Variants in MTHFD1 observed in about 807,000 individuals in gnomAD.
MTHFD1 encodes the protein methylenetetrahydrofolate dehydrogenase, cyclohydrolase and formyltetrahydrofolate synthetase 1.
In MTHFD1, 44 loss-of-function variants were observed where a neutral mutation model predicts 110.3. The observed-to-expected ratio is 0.40, with a 90% confidence interval of 0.31 to 0.51. The LOEUF (loss-of-function observed/expected upper bound fraction) is 0.51. Ranked by LOEUF, MTHFD1 falls within the 20% of genes least tolerant of loss-of-function variation. The pLI is 0.60. For missense variants in MTHFD1, 909 were observed against 1,173.1 expected (o/e 0.77, Z 3.29); for synonymous variants, 402 against 428.8 (o/e 0.94, Z 0.77).
At chr14:64,391,909 T>A (rs1212148265) in intron 1 of MTHFD1, among the ~76,000 whole-genome samples, 1 of 152,182 alleles carries the variant, frequency 6.6e-6, no homozygotes, top group Non-Finnish European at 1.5e-5. Context: ...CCTACCCTCA[T>A]GAAACTTGCA....
chr14:64,431,810 A>G lies in MTHFD1; in HGVS notation c.1443A>G (p.Pro481=), dbSNP rs1246987941. Residue 481 remains proline (P), a synonymous_variant, in exon 15 of 28, where the codon CCA becomes CCG. Coordinates refer to ENST00000652337, the MANE Select transcript of MTHFD1 (RefSeq NM_005956.4). ...AGGCTCTCTTTAATCGTTTGGTGCC[A>G]TCAGTAAATGGAGTGAGAAGGTTCT... ...TDKALFNRLV[P]SVNGVRRFSD... 6 of 1,614,080 alleles carry G rather than the reference A, an allele frequency of 3.7e-6. No individual in the cohort carries two copies. Among genetic ancestry groups the G allele is most frequent in the Non-Finnish European group, 5.1e-6 (6 of 1,180,034 alleles).
chr14:64,408,064 G>T (rs962390400), intron 2 of MTHFD1, among the ~76,000 whole-genome samples: 1 of 151,940 alleles, frequency 6.6e-6, no homozygotes, highest in African/African-American at 2.4e-5. Flanking sequence ...ACTGTGGCCC[G>T]TATCCAAATG....
At chr14:64,424,661 G>T in intron 8 of MTHFD1, 143 bp from the exon 9 acceptor site, 1 of 881,418 alleles carries the variant, frequency 1.1e-6, no homozygotes, top group Non-Finnish European at 1.8e-6. Context: ...GCAAACATCT[G>T]TCATTCCATA....
intron 1 of MTHFD1, among the ~76,000 whole-genome samples, chr14:64,397,054 G>A (rs1316004391): frequency 1.7e-5 from 2 of 115,020 alleles, no homozygotes; most frequent in African/African-American, 3.4e-5. Flanking sequence ...GCAGTGAGCC[G>A]AGATCGCGCC....
chr14:64,441,693 C>T lies in MTHFD1; in HGVS notation c.1884+240C>T, dbSNP rs1198446461. 5 of 560,068 alleles carry T rather than the reference C, an allele frequency of 8.9e-6. No individual in the cohort carries two copies. The South Asian group carries it at 9.6e-5, about 11-fold the overall frequency. 34.7% of individuals were successfully genotyped at this position (560,068 alleles called of 1,614,324 possible). A position where few individuals can be genotyped will look rare whatever the true frequency, so the allele number is the denominator to read the frequency against. ...TGGTGGCGGGCGCCTGTAGTCCCAG[C>T]TGCTCGGAAGGTTGAGGCAGAATGG... On this transcript the variant is annotated intron_variant, in intron 19 of 27. Transcript: ENST00000652337.
intron 24 of MTHFD1, among the ~76,000 whole-genome samples, chr14:64,449,885 T>TGCC (rs1488738898): frequency 2.0e-5 from 3 of 152,210 alleles, no homozygotes; most frequent in Non-Finnish European, 4.4e-5. Context: ...GCCTCCTGGG[T>TGCC]TCAAGTGATT....
intron 12 of MTHFD1, among the ~76,000 whole-genome samples, chr14:64,428,428 A>C (rs1483105463): frequency 6.7e-6 from 1 of 149,022 alleles, no homozygotes; most frequent in Non-Finnish European, 1.5e-5. Context: ...TGTCTTAATT[A>C]AAATAATGTT....
chr14:64,439,385 A>AT, intron 17 of MTHFD1: 3 of 588,160 alleles, frequency 5.1e-6, no homozygotes, highest in South Asian at 2.0e-5. Flanking sequence ...TTCCCCCGGC[A>AT]TTTTTTCCTG....
In MTHFD1 at chr14:64,440,282, C is replaced by G. The variant is rs374308973; in HGVS notation, c.1815+16C>G. ...CGAAGATCTGGTGGGTACCCAGACA[C>G]GCCAGGCTTGGCGACATATCTGTGT... On this transcript the variant is annotated intron_variant, in intron 18 of 27. Coordinates refer to ENST00000652337, the MANE Select transcript of MTHFD1 (RefSeq NM_005956.4). 3 of 1,614,022 alleles carry G rather than the reference C, an allele frequency of 1.9e-6. No homozygotes were observed. In the Admixed American group the frequency reaches 5.0e-5, roughly 27 times the overall value.
At chr14:64,423,616 G>A (rs934918673) in intron 8 of MTHFD1, among the ~76,000 whole-genome samples, 4 of 151,684 alleles carry the variant, frequency 2.6e-5, no homozygotes, top group South Asian at 2.1e-4. Flanking sequence ...GGCTGGTCTC[G>A]GACTCCTGAC....
chr14:64,425,204 C>A (rs2078109235), intron 9 of MTHFD1, among the ~76,000 whole-genome samples: 1 of 150,860 alleles, frequency 6.6e-6, no homozygotes, highest in African/African-American at 2.4e-5. Context: ...GGTTTGCCTT[C>A]CCTTTCTTTT....
intron 4 of MTHFD1, among the ~76,000 whole-genome samples, chr14:64,414,143 C>T (rs780667501): frequency 2.0e-5 from 3 of 151,858 alleles, no homozygotes; most frequent in East Asian, 3.9e-4. Context: ...TACAGGCATG[C>T]GCCACCACGC....
chr14:64,410,752 A>T (rs2077977599), intron 2 of MTHFD1, among the ~76,000 whole-genome samples: 1 of 151,162 alleles, frequency 6.6e-6, no homozygotes, highest in Admixed American at 6.6e-5. Context: ...AGCCCTCCAT[A>T]CTCTGTTTTT....
At chr14:64,439,194 A>G (rs1232129145) in intron 17 of MTHFD1, 22 bp downstream of exon 17, 1 of 1,591,696 alleles carries the variant, frequency 6.3e-7, no homozygotes, top group Non-Finnish European at 8.6e-7. Flanking sequence ...TCCCTTTCCA[A>G]GGAAATTAGT....
chr14:64,388,568 G>A, intron 1 of MTHFD1, 100 bp downstream of exon 1: 1 of 1,088,416 alleles, frequency 9.2e-7, no homozygotes, highest in South Asian at 1.3e-5. Context: ...GACACTTGTA[G>A]CGGAAGAGTT....
intron 22 of MTHFD1, 110 bp downstream of exon 22, chr14:64,444,844 T>C (rs8012229): frequency 0.08 from 98,526 of 1,225,524 alleles, 4,586 homozygotes; most frequent in East Asian, 0.17. Flanking sequence ...TGACCCAGGG[T>C]GCAGGGTGCC....
chr14:64,426,846 T>C (rs1343194348), intron 11 of MTHFD1, among the ~76,000 whole-genome samples: 2 of 152,190 alleles, frequency 1.3e-5, no homozygotes, highest in African/African-American at 4.8e-5. Flanking sequence ...GGGCTGAGGT[T>C]ATATTAAAAA....
At chr14:64,429,235 A>G (rs1237196040) in intron 12 of MTHFD1, among the ~76,000 whole-genome samples, 1 of 81,408 alleles carries the variant, frequency 1.2e-5, no homozygotes, top group African/African-American at 6.1e-5. Context: ...CCAGCCTGTG[A>G]GACAGTATGA....
At position 64,388,455 on chromosome 14, in the gene MTHFD1, A is replaced by T. The variant is rs1421744468; in HGVS notation, c.28A>T (p.Lys10Ter). The change falls in exon 1 of 28, where the codon AAG becomes TAG. Residue 10 changes from lysine (K) to a stop codon, truncating the protein, a stop_gained. Transcript: ENST00000652337. LOFTEE classifies it high-confidence loss of function. MAPAEILNG[K>*]EISAQIRARL... is the part of the protein sequence containing the mutation. ...GGCGCCAGCAGAAATCCTGAACGGGAAGGAGATCTCCGCGTAAGCACCTGA... is the reference window on the plus strand; with the variant it reads ...GGCGCCAGCAGAAATCCTGAACGGGTAGGAGATCTCCGCGTAAGCACCTGA... The T allele has an allele frequency of 6.2e-6, 10 of 1,613,814 alleles. No homozygotes were observed.
Sources: gnomAD v4.1 joint callset for allele counts (sites outside exome capture counted in the v4.1 genomes callset) on GRCh38, gnomAD v4.1.1 for gene constraint, MANE v1.5 for transcripts, NCBI Gene and HGNC (gene_info 2026-07-23, HGNC 2026-07-21) for gene names.